Variants in ZNF541 observed in about 807,000 individuals in gnomAD.
The protein encoded by ZNF541 is zinc finger protein 541.
Under a neutral mutation model 123.5 loss-of-function variants are expected in ZNF541, and 23 were observed. The observed-to-expected ratio is 0.19, with a 90% CI of 0.13 to 0.26. The LOEUF (loss-of-function observed/expected upper bound fraction) is 0.26. Ranked by LOEUF, ZNF541 falls within the 10% of genes least tolerant of loss-of-function variation. The pLI, the probability that ZNF541 is intolerant of heterozygous loss-of-function variation, is 1.00. For synonymous variants in ZNF541, 751 were observed against 754.5 expected (o/e 1.00, Z 0.08); for missense variants, 1,612 against 1,789.9 (o/e 0.90, Z 1.79).
intron 14 of ZNF541, among the ~76,000 whole-genome samples, chr19:47,526,855 G>A (rs1221310493): frequency 6.6e-6 from 1 of 152,168 alleles, no homozygotes; most frequent in East Asian, 1.9e-4. Context: ...CAAAGTACAT[G>A]TCCATACCAA....
At chr19:47,547,087 T>C (rs542322883) in intron 4 of ZNF541, among the ~76,000 whole-genome samples, 37 of 152,300 alleles carry the variant, frequency 2.4e-4, no homozygotes, top group African/African-American at 8.2e-4. Context: ...CTCAAACTTA[T>C]TTGCCCAGAG....
chr19:47,554,175 G>A (rs1970718951), intron 3 of ZNF541, among the ~76,000 whole-genome samples: 1 of 152,206 alleles, frequency 6.6e-6, no homozygotes, highest in Non-Finnish European at 1.5e-5. Flanking sequence ...GTTCACACCT[G>A]TAATCCCAAG....
At chr19:47,529,524 ATT>A in intron 13 of ZNF541, 51 bp downstream of exon 13, 1 of 1,536,082 alleles carries the variant, frequency 6.5e-7, no homozygotes, top group Non-Finnish European at 8.8e-7. Context: ...GAGCTGGCCG[ATT>A]CATAGGGGTC....
At chr19:47,554,585 C>G (rs1970736205) in intron 3 of ZNF541, among the ~76,000 whole-genome samples, 1 of 152,156 alleles carries the variant, frequency 6.6e-6, no homozygotes, top group Non-Finnish European at 1.5e-5. Flanking sequence ...GATAAAGACA[C>G]TGGGGTCTAA....
chr19:47,530,613 G>T (rs1969523910), intron 12 of ZNF541, among the ~76,000 whole-genome samples: 2 of 152,054 alleles, frequency 1.3e-5, no homozygotes, highest in African/African-American at 2.4e-5. Flanking sequence ...GAAGATGCAG[G>T]ACTCCTTGTT....
chr19:47,525,051 G>C (rs977814216), intron 14 of ZNF541, among the ~76,000 whole-genome samples: 2 of 152,226 alleles, frequency 1.3e-5, no homozygotes, highest in African/African-American at 4.8e-5. Context: ...TTGGGAGGCT[G>C]AGGCAGGTAG....
intron 9 of ZNF541, among the ~76,000 whole-genome samples, chr19:47,535,498 T>C (rs1024964657): frequency 1.3e-5 from 2 of 152,216 alleles, no homozygotes; most frequent in Non-Finnish European, 2.9e-5. Context: ...ATACTGCTAC[T>C]GGAAATTTAA....
At chr19:47,539,971 A>G in intron 7 of ZNF541, 93 bp from the exon 8 acceptor site, 3 of 1,490,122 alleles carry the variant, frequency 2.0e-6, no homozygotes, top group Non-Finnish European at 2.7e-6. Flanking sequence ...CATAGAAAAC[A>G]GCAGTGAGTC....
At chr19:47,549,661 C>A (rs1276982415) in intron 3 of ZNF541, among the ~76,000 whole-genome samples, 176 bp from the exon 4 acceptor site, 1 of 152,150 alleles carries the variant, frequency 6.6e-6, no homozygotes, top group East Asian at 1.9e-4. Flanking sequence ...AGAAGCCCTG[C>A]AGGATGGCAC....
At chr19:47,532,780 C>T (rs1358495355) in intron 10 of ZNF541, 129 bp downstream of exon 10, 8 of 655,706 alleles carry the variant, frequency 1.2e-5, no homozygotes, top group East Asian at 9.3e-5. Flanking sequence ...AAAAATCTAC[C>T]GCTTCACGCC....
chr19:47,532,029 G>T, intron 11 of ZNF541, 99 bp downstream of exon 11: 1 of 1,468,208 alleles, frequency 6.8e-7, no homozygotes, highest in African/African-American at 1.4e-5. Flanking sequence ...ACACTACTTG[G>T]ATCTAGCGGT....
chr19:47,568,669 C>T (rs116340199), intron 2 of ZNF541, among the ~76,000 whole-genome samples: 2,110 of 151,652 alleles, frequency 0.014, 32 homozygotes, highest in Middle Eastern at 0.056. Context: ...TACTTTCCTA[C>T]TCCAATTTTT....
chr19:47,555,678 G>GT lies in ZNF541; in HGVS notation c.178dup (p.Thr60AsnfsTer3). On this transcript the variant is annotated frameshift_variant, in exon 3 of 17. Coordinates refer to ENST00000391901, the MANE Select transcript of ZNF541 (RefSeq NM_001277075.3). LOFTEE classifies it high-confidence loss of function. ...CAGCACCTCGCTGGACATGTCAGGC[G>GT]TTGGGAGGCTGGGGTCCGGGTCCAG... 1 of 1,551,734 alleles carries GT rather than the reference G, an allele frequency of 6.4e-7. No homozygotes were observed. Among genetic ancestry groups the GT allele is most frequent in the East Asian group, 2.4e-5 (1 of 40,906 alleles).
intron 6 of ZNF541, among the ~76,000 whole-genome samples, chr19:47,540,660 G>A (rs776028132): frequency 1.3e-5 from 2 of 152,110 alleles, no homozygotes; most frequent in South Asian, 2.1e-4. Flanking sequence ...GGCTGGTCTC[G>A]AATTCCTGAC....
Position 47,521,274 on chromosome 19 carries a change from G to A in ZNF541, c.3991C>T (p.Gln1331Ter), listed in dbSNP as rs777200810. 34 of 1,551,770 alleles carry A rather than the reference G, an allele frequency of 2.2e-5. No homozygotes were observed. Among genetic ancestry groups the A allele is most frequent in the Non-Finnish European group, 2.8e-5 (32 of 1,147,010 alleles). The change falls in exon 17 of 17, where the codon CAG becomes TAG. Residue 1331 changes from glutamine to a stop codon, truncating the protein, a stop_gained. Coordinates refer to ENST00000391901, the MANE Select transcript of ZNF541 (RefSeq NM_001277075.3). LOFTEE classifies it high-confidence loss of function. The surrounding 1 kb of genome is among the most constrained non-coding windows in gnomAD (Gnocchi z 4.2). ...GCTCCCAGCTCCTCTTCCTTTAGCT[G>A]GAAGGGCTTCACTGGCCACTTCACC... ...IRVKWPVKPF[Q>*]LKEEELGADI... is the part of the protein sequence containing the mutation.
intron 8 of ZNF541, 40 bp downstream of exon 8, chr19:47,539,665 C>T (rs1033380968): frequency 4.4e-6 from 6 of 1,376,344 alleles, no homozygotes; most frequent in Non-Finnish European, 5.6e-6. Context: ...CCAGCAGCTG[C>T]GGGCAGTGGC....
intron 2 of ZNF541, among the ~76,000 whole-genome samples, 57 bp downstream of exon 2, chr19:47,571,839 C>T (rs1342574080): frequency 6.6e-6 from 1 of 152,090 alleles, no homozygotes; most frequent in Non-Finnish European, 1.5e-5. Flanking sequence ...TGAGAAAGAA[C>T]GAGATCTATC....
rs1027600820 is a variant in ZNF541 at position 47,549,599 on chromosome 19, G to C, written c.308-114C>G. The C allele has an allele frequency of 3.0e-5, 43 of 1,438,692 alleles. No individual in the cohort carries two copies. The African/African-American group carries it at 5.8e-4, about 19-fold the overall frequency. 89.1% of individuals were successfully genotyped at this position (1,438,692 alleles called of 1,614,324 possible). The stretch of plus-strand genomic sequence containing the variant: ...TGGTGGCCTTGTAAGTGTTGCGCGA[G>C]AACTCTTGCTCCACACAAAGTAAAC... On this transcript the variant is annotated intron_variant, in intron 3 of 16. Coordinates refer to ENST00000391901, the MANE Select transcript of ZNF541 (RefSeq NM_001277075.3).
At chr19:47,525,445 C>T (rs1337977627) in intron 14 of ZNF541, among the ~76,000 whole-genome samples, 1 of 152,012 alleles carries the variant, frequency 6.6e-6, no homozygotes, top group Non-Finnish European at 1.5e-5. Flanking sequence ...GATCTTAAGA[C>T]TTAGAAAGCT....
Sources: allele counts gnomAD v4.1 joint callset (sites outside exome capture counted in the v4.1 genomes callset), GRCh38; gene constraint gnomAD v4.1.1; non-coding constraint Gnocchi (gnomAD v3.1); transcripts MANE v1.5; gene names NCBI Gene and HGNC (gene_info 2026-07-23, HGNC 2026-07-21).